ZNF644: variants seen among roughly 807,000 people sequenced by gnomAD.
The protein encoded by ZNF644 is zinc finger motif enhancer binding protein 2.
In ZNF644, 20 loss-of-function variants were observed where a neutral mutation model predicts 108.0. That is an observed-to-expected ratio of 0.19 (90% CI 0.13 to 0.27). The LOEUF (loss-of-function observed/expected upper bound fraction) is 0.27. Among genes scored for constraint, ZNF644 ranks in the 10% least tolerant of loss-of-function variants. The pLI is 1.00. For missense variants in ZNF644, 1,338 were observed against 1,548.9 expected (o/e 0.86, Z 2.29); for synonymous variants, 542 against 539.1 (o/e 1.01, Z -0.08).
chr1:90,985,655 G>C (rs1253094277), intron 1 of ZNF644, among the ~76,000 whole-genome samples: 1 of 152,164 alleles, frequency 6.6e-6, no homozygotes, highest in Non-Finnish European at 1.5e-5. Context: ...TCTTAAGACT[G>C]AATAGTATTC....
At chr1:90,995,942 C>T (rs1658104687) in intron 1 of ZNF644, among the ~76,000 whole-genome samples, 1 of 152,180 alleles carries the variant, frequency 6.6e-6, no homozygotes, top group Admixed American at 6.5e-5. Flanking sequence ...ATCTCCAGAA[C>T]TGTGAGAAAT....
At chr1:91,017,655 G>A (rs1403451821) in intron 1 of ZNF644, among the ~76,000 whole-genome samples, 1 of 152,084 alleles carries the variant, frequency 6.6e-6, no homozygotes, top group Non-Finnish European at 1.5e-5. Flanking sequence ...GAGTTCCCAG[G>A]AAGTTCAAAA....
intron 2 of ZNF644, among the ~76,000 whole-genome samples, chr1:90,950,307 G>A (rs1251551829): frequency 2.4e-4 from 11 of 45,160 alleles, no homozygotes; most frequent in Admixed American, 5.9e-4. Flanking sequence ...GAGGGGAGGG[G>A]ACAAAAGAAA....
chr1:91,002,368 A>G (rs946177225), intron 1 of ZNF644, among the ~76,000 whole-genome samples: 7 of 152,218 alleles, frequency 4.6e-5, no homozygotes, highest in Non-Finnish European at 7.3e-5. Context: ...CCTCAGAAAT[A>G]ATACCACACA....
Position 90,937,805 on chromosome 1 carries a change from A to G in ZNF644, c.3368T>C (p.Ile1123Thr). The G allele has an allele frequency of 1.9e-6, 3 of 1,613,932 alleles. No individual in the cohort carries two copies. The highest frequency in any genetic ancestry group is 1.7e-5 in the Admixed American group (1 of 60,016). Residue 1123 changes from isoleucine (I) to threonine (T), a missense_variant, in exon 4 of 6, where the codon ATA (isoleucine) becomes ACA (threonine). Physicochemically the swap from Ile to Thr is moderately conservative, Grantham distance 89. This residue lies in a region of ZNF644 where 287 missense variants were observed against 310.9 expected (regional missense o/e 0.92). Coordinates refer to ENST00000337393, the MANE Select transcript of ZNF644 (RefSeq NM_201269.3). The part of the protein sequence containing the change: ...SSDDFISQNV[I>T]PLEAYRNGLK... ...GCCATTACGGTATGCTTCAAGAGGT[A>G]TAACATTTTGAGATATAAAGTCATC...
At chr1:91,004,307 GAAGC>G (rs1394825018) in intron 1 of ZNF644, among the ~76,000 whole-genome samples, 4 of 152,264 alleles carry the variant, frequency 2.6e-5, no homozygotes, top group South Asian at 2.1e-4. Flanking sequence ...AATCCTAAAA[GAAGC>G]AAGAAAGAAG....
chr1:90,931,088 G>A (rs1288162038), intron 4 of ZNF644, among the ~76,000 whole-genome samples: 1 of 151,926 alleles, frequency 6.6e-6, no homozygotes, highest in African/African-American at 2.4e-5. Flanking sequence ...CTAGTACTTA[G>A]GTGTGACAAC....
At chr1:90,963,804 G>A (rs895962631) in intron 2 of ZNF644, among the ~76,000 whole-genome samples, 1 of 152,076 alleles carries the variant, frequency 6.6e-6, no homozygotes, top group African/African-American at 2.4e-5. Flanking sequence ...AGACATAGGG[G>A]GTTTCTGGGT....
intron 1 of ZNF644, among the ~76,000 whole-genome samples, chr1:90,996,965 A>C (rs1377845600): frequency 6.6e-6 from 1 of 152,174 alleles, no homozygotes; most frequent in Non-Finnish European, 1.5e-5. Flanking sequence ...CTAGTATAAA[A>C]AGCTTCCCCC....
chr1:90,962,502 G>A (rs1383286397), intron 2 of ZNF644, among the ~76,000 whole-genome samples: 4 of 152,164 alleles, frequency 2.6e-5, no homozygotes, highest in African/African-American at 9.6e-5. Context: ...ATCAGTTCTA[G>A]ATAGAAGGTA....
intron 1 of ZNF644, among the ~76,000 whole-genome samples, chr1:91,005,772 G>A (rs533929291): frequency 9.9e-5 from 15 of 151,732 alleles, no homozygotes; most frequent in African/African-American, 2.9e-4. Context: ...TGAAGTAAAC[G>A]CAATGCTTAC....
chr1:90,938,061 G>T lies in ZNF644; in HGVS notation c.3112C>A (p.His1038Asn). Residue 1038 changes from histidine to asparagine, a missense_variant, in exon 4 of 6, where the codon CAC (histidine) becomes AAC (asparagine). His to Asn is a moderately conservative substitution (Grantham distance 68). This residue lies in a region of ZNF644 where 287 missense variants were observed against 310.9 expected (regional missense o/e 0.92). Coordinates refer to ENST00000337393, the MANE Select transcript of ZNF644 (RefSeq NM_201269.3). This position sits in a 1 kb window ranked among gnomAD's most constrained non-coding sequence, Gnocchi z 4.2. ...CAACCACCACAGAGCTGACAAGTGT[G>T]TTCAGAAGTGGTTTCAGACTTCTCT... ...AIEKSETTSE[H>N]TCQLCGGWFD... is the part of the protein sequence containing the mutation. The T allele has an allele frequency of 6.2e-7, 1 of 1,610,714 alleles. No homozygotes were observed. The highest frequency in any genetic ancestry group is 8.5e-7 in the Non-Finnish European group (1 of 1,179,772).
At chr1:91,011,645 T>G (rs902467885) in intron 1 of ZNF644, among the ~76,000 whole-genome samples, 2 of 152,180 alleles carry the variant, frequency 1.3e-5, no homozygotes, top group African/African-American at 4.8e-5. Flanking sequence ...AGTTTTCCAT[T>G]TATAAAGTCT....
At chr1:90,920,922 C>A (rs1226598384) in intron 4 of ZNF644, among the ~76,000 whole-genome samples, 1 of 152,036 alleles carries the variant, frequency 6.6e-6, no homozygotes, top group Non-Finnish European at 1.5e-5. Flanking sequence ...TATTTTTGAG[C>A]AGGTGAAACA....
At chr1:90,949,498 A>G (rs1258391941) in intron 2 of ZNF644, among the ~76,000 whole-genome samples, 1 of 152,182 alleles carries the variant, frequency 6.6e-6, no homozygotes, top group Admixed American at 6.5e-5. Flanking sequence ...AAAATATATT[A>G]GTGTGCTTCT....
intron 2 of ZNF644, among the ~76,000 whole-genome samples, chr1:90,942,370 T>C (rs1407274625): frequency 1.3e-5 from 2 of 152,182 alleles, no homozygotes; most frequent in African/African-American, 4.8e-5. Context: ...CTGTAATGCC[T>C]ACCCCCACTA....
At chr1:90,999,397 T>A (rs1234419108) in intron 1 of ZNF644, among the ~76,000 whole-genome samples, 3 of 152,090 alleles carry the variant, frequency 2.0e-5, no homozygotes, top group African/African-American at 7.2e-5. Flanking sequence ...TCAACATTCT[T>A]AACAAAAAGA....
rs1435095659 is a variant in ZNF644 at position 90,938,553 on chromosome 1, T to C, written c.2801A>G (p.His934Arg). ...TGCAGTTTCTAAATGCTGAGGATCA[T>C]GTATCTCATGCAAAAAGTTGTTACT... ...TGSNNFLHEI[H>R]DPQHLETADA... Residue 934 changes from histidine (H) to arginine (R), a missense_variant, in exon 3 of 6, where the codon CAT (histidine) becomes CGT (arginine). Physicochemically the swap from His to Arg is conservative, Grantham distance 29. Around this residue, in one of 6 missense-constraint regions of ZNF644, gnomAD observed 462 missense variants for 472.6 expected, o/e 0.98. Coordinates refer to ENST00000337393, the MANE Select transcript of ZNF644 (RefSeq NM_201269.3). This position sits in a 1 kb window ranked among gnomAD's most constrained non-coding sequence, Gnocchi z 4.2. The C allele has an allele frequency of 4.3e-6, 7 of 1,613,946 alleles. No homozygotes were observed. The Admixed American group carries it at 8.3e-5, about 19-fold the overall frequency.
chr1:90,922,598 CTTTATT>C (rs1649582547), intron 4 of ZNF644, among the ~76,000 whole-genome samples: 1 of 151,748 alleles, frequency 6.6e-6, no homozygotes, highest in South Asian at 2.1e-4. Flanking sequence ...TTTTTTAAAC[CTTTATT>C]TTAACTTCAG....
Sources: allele counts gnomAD v4.1 joint callset (sites outside exome capture counted in the v4.1 genomes callset), GRCh38; gene constraint gnomAD v4.1.1; regional missense constraint gnomAD v4.1.1; non-coding constraint Gnocchi (gnomAD v3.1); transcripts MANE v1.5; gene names NCBI Gene and HGNC (gene_info 2026-07-23, HGNC 2026-07-21).